The following PIK3C2G variants were observed in gnomAD, a reference collection of about 807,000 sequenced individuals.
The protein encoded by PIK3C2G is phosphatidylinositol-4-phosphate 3-kinase catalytic subunit type 2 gamma.
PIK3C2G carries 168 observed loss-of-function variants against 181.1 expected under a neutral mutation model. That is an observed-to-expected ratio of 0.93 (90% CI 0.82 to 1.05). The LOEUF is 1.05. PIK3C2G is among the 50% of genes least tolerant of loss of function. PIK3C2G has a pLI of 0.00. For missense variants in PIK3C2G, 1,869 were observed against 1,732.8 expected (o/e 1.08, Z -1.40); for synonymous variants, 573 against 592.2 (o/e 0.97, Z 0.47).
At chr12:18,441,251 G>T (rs187188491) in intron 18 of PIK3C2G, among the ~76,000 whole-genome samples, 2 of 152,060 alleles carry the variant, frequency 1.3e-5, no homozygotes, top group African/African-American at 4.8e-5. Context: ...ACTTTCAATC[G>T]AGTAGAGGTA....
the PIK3C2G span, among the ~76,000 whole-genome samples, chr12:18,678,872 T>G: frequency 1.2e-3 from 190 of 152,166 alleles, 1 homozygote; most frequent in African/African-American, 4.4e-3. Flanking sequence ...CCAAAAAGCT[T>G]GAGTTATATG....
intron 29 of PIK3C2G, among the ~76,000 whole-genome samples, chr12:18,592,483 G>C (rs532632056): frequency 6.6e-6 from 1 of 151,956 alleles, no homozygotes; most frequent in South Asian, 2.1e-4. Flanking sequence ...TTTTAAGAGA[G>C]GGCTTGTTAG....
At chr12:18,433,609 T>C (rs1946288184) in intron 18 of PIK3C2G, among the ~76,000 whole-genome samples, 2 of 152,224 alleles carry the variant, frequency 1.3e-5, no homozygotes, top group African/African-American at 4.8e-5. Flanking sequence ...TAACAATAAC[T>C]GAGTAATCTA....
At chr12:18,486,013 C>T (rs1365384145) in intron 18 of PIK3C2G, among the ~76,000 whole-genome samples, 5 of 152,050 alleles carry the variant, frequency 3.3e-5, no homozygotes, top group South Asian at 2.1e-4. Context: ...CAGCCTTTTC[C>T]GTAGTTGTTT....
intron 18 of PIK3C2G, among the ~76,000 whole-genome samples, chr12:18,468,919 G>C (rs1304497799): frequency 1.3e-5 from 2 of 152,028 alleles, no homozygotes; most frequent in African/African-American, 4.8e-5. Flanking sequence ...GCTTAATTTT[G>C]TTGGTTAATG....
chr12:18,503,019 A>T (rs1309513312), intron 22 of PIK3C2G, among the ~76,000 whole-genome samples: 1 of 152,164 alleles, frequency 6.6e-6, no homozygotes, highest in Non-Finnish European at 1.5e-5. Context: ...CATCATCAAC[A>T]TTGGCTTGCT....
At chr12:18,387,084 T>C (rs1193608232) in intron 14 of PIK3C2G, among the ~76,000 whole-genome samples, 1 of 152,242 alleles carries the variant, frequency 6.6e-6, no homozygotes, top group Non-Finnish European at 1.5e-5. Context: ...TGTCTGTTCA[T>C]GCCCCACATA....
At chr12:18,557,484 A>G (rs1220147771) in intron 26 of PIK3C2G, among the ~76,000 whole-genome samples, 1 of 152,176 alleles carries the variant, frequency 6.6e-6, no homozygotes, top group African/African-American at 2.4e-5. Flanking sequence ...AAAAATAGAA[A>G]TAGAAAAGAA....
At chr12:18,562,278 C>A (rs981881375) in intron 26 of PIK3C2G, among the ~76,000 whole-genome samples, 1 of 152,100 alleles carries the variant, frequency 6.6e-6, no homozygotes, top group East Asian at 1.9e-4. Context: ...ACTACAGGCA[C>A]CCGCCACCAC....
intron 18 of PIK3C2G, among the ~76,000 whole-genome samples, chr12:18,471,807 C>T (rs79543263): frequency 0.01 from 1,574 of 152,124 alleles, 27 homozygotes; most frequent in African/African-American, 0.036. Context: ...TGTGTGAGTG[C>T]CTCTGGGGCT....
intron 24 of PIK3C2G, among the ~76,000 whole-genome samples, chr12:18,530,829 T>C (rs1351961608): frequency 6.6e-6 from 1 of 152,100 alleles, no homozygotes; most frequent in African/African-American, 2.4e-5. Flanking sequence ...ATGCCATGAT[T>C]GTAGTTTCTT....
At position 18,250,350 on chromosome 12, in the gene PIK3C2G, T is replaced by C. The variant is rs561561878; in HGVS notation, c.-79+2268T>C. Among the ~76,000 whole-genome samples the C allele has an allele frequency of 2.6e-5, 4 of 152,178 alleles. No individual in the cohort carries two copies. In the South Asian group the frequency reaches 8.3e-4, roughly 32 times the overall value. On this transcript the variant is annotated intron_variant, in intron 1 of 11. Transcript: ENST00000535651. The stretch of plus-strand genomic sequence containing the variant: ...TTGTTATTATGAATTTGCCGTACAT[T>C]ATTGTCCTTTTTCATACTCCCAAAG...
chr12:18,580,887 C>T (rs1473040161), intron 29 of PIK3C2G, among the ~76,000 whole-genome samples: 2 of 152,168 alleles, frequency 1.3e-5, no homozygotes, highest in Admixed American at 1.3e-4. Flanking sequence ...TTTTAACTCA[C>T]TAAAGCTAAA....
chr12:18,586,158 C>A (rs1056809554), intron 29 of PIK3C2G, among the ~76,000 whole-genome samples: 1 of 152,012 alleles, frequency 6.6e-6, no homozygotes, highest in Non-Finnish European at 1.5e-5. Context: ...CAAGAGCAAA[C>A]CAACCCCAAA....
intron 1 of PIK3C2G, among the ~76,000 whole-genome samples, chr12:18,273,172 A>G (rs1948818466): frequency 6.6e-6 from 1 of 152,176 alleles, no homozygotes; most frequent in Non-Finnish European, 1.5e-5. Flanking sequence ...ATGATTAACA[A>G]AAAGAGTTTT....
chr12:18,351,613 T>G (rs1044422659), intron 11 of PIK3C2G, among the ~76,000 whole-genome samples: 2 of 152,224 alleles, frequency 1.3e-5, no homozygotes, highest in African/African-American at 4.8e-5. Flanking sequence ...AGTTGTCCCT[T>G]GTTATCTGCA....
intron 26 of PIK3C2G, among the ~76,000 whole-genome samples, chr12:18,548,918 C>G (rs1375059780): frequency 1.3e-5 from 2 of 151,998 alleles, no homozygotes; most frequent in Admixed American, 6.6e-5. Flanking sequence ...CTCCATTATT[C>G]CACATGAATC....
intron 31 of PIK3C2G, among the ~76,000 whole-genome samples, chr12:18,635,488 G>T (rs1949554947): frequency 6.6e-6 from 1 of 152,192 alleles, no homozygotes; most frequent in Non-Finnish European, 1.5e-5. Flanking sequence ...CGGCGACATG[G>T]TGGCCCACGG....
chr12:18,252,048 C>T (rs1055485005), intron 1 of PIK3C2G, among the ~76,000 whole-genome samples: 1 of 152,054 alleles, frequency 6.6e-6, no homozygotes, highest in Non-Finnish European at 1.5e-5. Context: ...TAAAAAACTA[C>T]AGGACATAAA....
Sources: allele counts gnomAD v4.1 joint callset (sites outside exome capture counted in the v4.1 genomes callset), GRCh38; gene constraint gnomAD v4.1.1; transcripts MANE v1.5; gene names NCBI Gene and HGNC (gene_info 2026-07-23, HGNC 2026-07-21).